The following CMTM1 variants were observed in gnomAD, a reference collection of about 807,000 sequenced individuals.
The protein encoded by CMTM1 is CKLF-like MARVEL transmembrane domain-containing protein 1.
Under a neutral mutation model 17.8 loss-of-function variants are expected in CMTM1, and 16 were observed. The ratio of observed to expected loss-of-function variants is 0.90; its 90% CI spans 0.61 to 1.37. The LOEUF (loss-of-function observed/expected upper bound fraction) is 1.37, where lower values mean the gene tolerates loss of function less well. CMTM1 is among the 40% of genes most tolerant of loss of function. The probability of loss-of-function intolerance (pLI) is 0.00; values close to 1 mark genes in which losing one functional copy is unlikely to be tolerated. For missense variants in CMTM1, 354 were observed against 375.6 expected, an observed-to-expected ratio of 0.94 and a Z score of 0.47; for synonymous variants, 169 against 154.6, an observed-to-expected ratio of 1.09 and a Z score of -0.69.
chr16:66,577,870 A>G (rs1567379746), intron 3 of CMTM1, among the ~76,000 whole-genome samples: 1 of 152,230 alleles, frequency 6.6e-6, no homozygotes, highest in Non-Finnish European at 1.5e-5. Context: ...GAAGTTAAAC[A>G]ATGAGAACAG....
rs756606914 is a variant in CMTM1, at chr16:66,566,643, A to T, written c.130A>T (p.Ile44Phe). 3.7e-6 allele frequency: 6 copies of T among 1,613,962 alleles called. No homozygotes were observed. The highest frequency in any genetic ancestry group is 1.7e-5 in the Admixed American group (1 of 60,012). The change falls in exon 1 of 4, where the codon ATC becomes TTC. Residue 44 changes from isoleucine to phenylalanine, a missense_variant. Coordinates refer to ENST00000379500, the MANE Select transcript of CMTM1 (RefSeq NM_052999.4). This position sits in a 1 kb window ranked among gnomAD's most constrained non-coding sequence, Gnocchi z 4.9. ...VSSVPKAQRN[I>F]SAKTAPRKHP... is the part of the protein sequence containing the mutation. ...TTCTGTACCCAAGGCACAGCGCAAC[A>T]TCTCAGCGAAGACCGCACCCCGGAA...
Position 66,566,690 on chromosome 16 carries a change from C to A in CMTM1, c.177C>A (p.Arg59=), listed in dbSNP as rs748865619. The change falls in exon 1 of 4, where the codon CGC becomes CGA. Residue 59 remains arginine, a synonymous_variant. Coordinates refer to ENST00000379500, the MANE Select transcript of CMTM1 (RefSeq NM_052999.4). The surrounding 1 kb of genome is among the most constrained non-coding windows in gnomAD (Gnocchi z 4.9). ...APRKHPAVSI[R]SAQSAAAARP... ...GGAAGCACCCCGCAGTCTCAATTCGCAGTGCGCAGTCCGCAGCCGCCGCAC... is the reference window on the plus strand; with the variant it reads ...GGAAGCACCCCGCAGTCTCAATTCGAAGTGCGCAGTCCGCAGCCGCCGCAC... 1 of 1,613,962 alleles carries A rather than the reference C, an allele frequency of 6.2e-7. No individual in the cohort carries two copies. The highest frequency in any genetic ancestry group is 8.5e-7 in the Non-Finnish European group (1 of 1,179,896).
intron 2 of CMTM1, among the ~76,000 whole-genome samples, chr16:66,573,879 G>A (rs2013898211): frequency 6.6e-6 from 1 of 151,622 alleles, no homozygotes; most frequent in Non-Finnish European, 1.5e-5. Context: ...TAGAGACAGG[G>A]TTTCACCATG....
Position 66,571,639 on chromosome 16 carries a change from A to G in CMTM1, c.591+1545A>G, listed in dbSNP as rs570898777. Among the ~76,000 whole-genome samples, 3 of 152,206 alleles carry G rather than the reference A, an allele frequency of 2.0e-5. No homozygotes were observed. The South Asian group carries it at 6.2e-4, about 32-fold the overall frequency. On this transcript the variant is annotated intron_variant, in intron 2 of 3. Coordinates refer to ENST00000379500, the MANE Select transcript of CMTM1 (RefSeq NM_052999.4). ...TTTTATCTCTGTATCTTGTTTCCTC[A>G]TGCTTTTCTTAAAATACAGCACCAA...
chr16:66,569,053 T>C (rs2013086553), intron 1 of CMTM1, among the ~76,000 whole-genome samples: 1 of 151,910 alleles, frequency 6.6e-6, no homozygotes, highest in African/African-American at 2.4e-5. Context: ...CCACTTAAAA[T>C]ATAAGAAAAT....
chr16:66,567,156 T>TTC (rs2012617900), intron 1 of CMTM1: 1 of 362,748 alleles, frequency 2.8e-6, no homozygotes, highest in African/African-American at 3.1e-5. Context: ...TATTTTTTCT[T>TTC]TTTTTTTTTT....
intron 2 of CMTM1, 91 bp downstream of exon 2, chr16:66,570,185 C>A: frequency 9.7e-7 from 1 of 1,029,400 alleles, no homozygotes; most frequent in Non-Finnish European, 1.4e-6. Context: ...ACGGAGCTAT[C>A]TCTCTAGACA....
rs368312142 is a variant in CMTM1 at position 66,577,102 on chromosome 16, A to G, written c.592-2A>G. On this transcript the variant is annotated splice_acceptor_variant, in intron 2 of 3. Transcript: ENST00000379500. LOFTEE classifies it high-confidence loss of function. ...TTGATAATTTTCAATTCTTTATTAC[A>G]GGATCTTACCAACAGTATCATTACA... 3.1e-6 allele frequency: 5 copies of G among 1,609,776 alleles called. No individual in the cohort carries two copies. The highest frequency in any genetic ancestry group is 1.7e-4 in the Middle Eastern group (1 of 6,042).
rs1428440492 is a variant in CMTM1 at position 66,579,014 on chromosome 16, G to T, written c.*13G>T. On this transcript the variant is annotated 3_prime_UTR_variant, in exon 4 of 4. Transcript: ENST00000379500. The surrounding 1 kb of genome is among the most constrained non-coding windows in gnomAD (Gnocchi z 6.5). Reference sequence around the variant, plus strand: ...GAGGCCCGCCTGAAGCCAGCCCGGCGCCCTAGCAGATGCACGTGTCTGTCG... The same window carrying T: ...GAGGCCCGCCTGAAGCCAGCCCGGCTCCCTAGCAGATGCACGTGTCTGTCG... The T allele has an allele frequency of 3.1e-6, 5 of 1,610,802 alleles. No individual in the cohort carries two copies. The East Asian group carries it at 1.1e-4, about 36-fold the overall frequency.
intron 3 of CMTM1, 96 bp from the exon 4 acceptor site, chr16:66,578,735 A>C: frequency 1.3e-6 from 2 of 1,519,812 alleles, no homozygotes; most frequent in Non-Finnish European, 1.8e-6. Flanking sequence ...GGCCACCCGC[A>C]GCGCCCACCC....
Position 66,568,842 on chromosome 16 carries a change from C to T in CMTM1, c.433-1094C>T, listed in dbSNP as rs535088420. ...CAGAGGTTGCAGTGAGCTGAGATCA[C>T]ACCACTGCACTCCAGCCTGAGCGAC... On this transcript the variant is annotated intron_variant, in intron 1 of 3. Transcript: ENST00000379500. Among the ~76,000 whole-genome samples the T allele has an allele frequency of 4.7e-5, 7 of 150,032 alleles. No homozygotes were observed. In the East Asian group the frequency reaches 1.2e-3, roughly 25 times the overall value.
rs1024020193 is a variant in CMTM1 at position 66,574,978 on chromosome 16, C to A, written c.592-2126C>A. 2.1e-5 allele frequency: 21 copies of A among 985,336 alleles called. No individual in the cohort carries two copies. The African/African-American group carries it at 3.3e-4, about 16-fold the overall frequency. 61.0% of individuals were successfully genotyped at this position (985,336 alleles called of 1,614,324 possible). On this transcript the variant is annotated intron_variant, in intron 2 of 3. Coordinates refer to ENST00000379500, the MANE Select transcript of CMTM1 (RefSeq NM_052999.4). ...GCAAAGCTGCAAACCACTGTACCTG[C>A]CTCAGTCAGGCCTGCCCACTATGGG...
intron 1 of CMTM1, among the ~76,000 whole-genome samples, chr16:66,569,254 A>G (rs960798192): frequency 6.6e-6 from 1 of 152,274 alleles, no homozygotes. Context: ...ATAAGTAAGT[A>G]TTTCATTTAG....
At chr16:66,574,193 C>T (rs758468595) in intron 2 of CMTM1, among the ~76,000 whole-genome samples, 5 of 152,110 alleles carry the variant, frequency 3.3e-5, no homozygotes, top group Non-Finnish European at 5.9e-5. Flanking sequence ...AGGTATTTAG[C>T]GGAGAAAGAA....
At chr16:66,571,053 T>C (rs989668408) in intron 2 of CMTM1, 3 of 436,682 alleles carry the variant, frequency 6.9e-6, no homozygotes, top group African/African-American at 6.1e-5. Flanking sequence ...AGTCAGAATG[T>C]TCCTTTTGAG....
At chr16:66,575,107 C>G in intron 2 of CMTM1, 1 of 985,472 alleles carries the variant, frequency 1.0e-6, no homozygotes. Context: ...GGCACCAAAA[C>G]AGTAGGCATT....
At chr16:66,569,914 A>G (rs1260848235) in intron 1 of CMTM1, 22 bp from the exon 2 acceptor site, 3 of 1,564,038 alleles carry the variant, frequency 1.9e-6, no homozygotes, top group African/African-American at 1.4e-5. Flanking sequence ...CATTAAAACA[A>G]ATCCTGTTTC....
At chr16:66,571,164 C>T (rs74657623) in intron 2 of CMTM1, 22 of 457,354 alleles carry the variant, frequency 4.8e-5, no homozygotes, top group Non-Finnish European at 9.7e-5. Context: ...GCAGACAAAG[C>T]AAATATGAGC....
At chr16:66,569,080 G>A (rs943660065) in intron 1 of CMTM1, among the ~76,000 whole-genome samples, 1 of 152,060 alleles carries the variant, frequency 6.6e-6, no homozygotes, top group African/African-American at 2.4e-5. Context: ...GTTTACAACA[G>A]TCATCAAAAA....
Sources: gnomAD v4.1 joint callset for allele counts (sites outside exome capture counted in the v4.1 genomes callset) on GRCh38, gnomAD v4.1.1 for gene constraint, Gnocchi (gnomAD v3.1) non-coding constraint, MANE v1.5 for transcripts, NCBI Gene and HGNC (gene_info 2026-07-23, HGNC 2026-07-21) for gene names.